ZRANB3: variants seen among roughly 807,000 people sequenced by gnomAD.
The protein encoded by ZRANB3 is DNA annealing helicase and endonuclease ZRANB3.
Under a neutral mutation model 133.8 loss-of-function variants are expected in ZRANB3, and 125 were observed. The observed-to-expected ratio is 0.93, with a 90% CI of 0.81 to 1.08. ZRANB3 has a LOEUF of 1.08. Among genes scored for constraint, ZRANB3 ranks in the 50% least tolerant of loss-of-function variants. ZRANB3 has a pLI of 0.00. For missense variants in ZRANB3, 1,229 were observed against 1,275.5 expected (o/e 0.96, Z 0.56); for synonymous variants, 387 against 432.7 (o/e 0.89, Z 1.31).
chr2:135,238,316 GTTC>G (rs1276393542), intron 12 of ZRANB3, among the ~76,000 whole-genome samples: 1 of 151,658 alleles, frequency 6.6e-6, no homozygotes, highest in Non-Finnish European at 1.5e-5. Context: ...TGGGATCTAT[GTTC>G]TTCTTCCTTG....
intron 2 of ZRANB3, among the ~76,000 whole-genome samples, chr2:135,503,861 T>G (rs982692228): frequency 6.6e-6 from 1 of 151,930 alleles, no homozygotes. Flanking sequence ...TCCCAGCTAT[T>G]CAGGAGGCTG....
chr2:135,514,618 GA>G (rs1002080093), intron 1 of ZRANB3, among the ~76,000 whole-genome samples: 5 of 152,004 alleles, frequency 3.3e-5, no homozygotes, highest in African/African-American at 1.2e-4. Flanking sequence ...CTTCCTATCC[GA>G]ATATCTTTTC....
chr2:135,408,841 G>A lies in ZRANB3; in HGVS notation c.162-18021C>T, dbSNP rs148167722. The stretch of plus-strand genomic sequence containing the variant: ...GGCCTGTTGTGGGGTCGGGGGATGG[G>A]GGAGGGATAGCATTTGGAGATATAT... On this transcript the variant is annotated intron_variant, in intron 2 of 20. Coordinates refer to ENST00000264159, the MANE Select transcript of ZRANB3 (RefSeq NM_032143.4). Among the ~76,000 whole-genome samples, 454 of 152,182 alleles carry A rather than the reference G, an allele frequency of 3.0e-3. 2 individuals are homozygous for A. The highest frequency in any genetic ancestry group is 0.01 in the African/African-American group (429 of 41,524).
At chr2:135,414,807 A>T (rs556001446) in intron 2 of ZRANB3, among the ~76,000 whole-genome samples, 1 of 152,296 alleles carries the variant, frequency 6.6e-6, no homozygotes, top group Non-Finnish European at 1.5e-5. Flanking sequence ...ATCTCACTCA[A>T]AACTGCTCAA....
chr2:135,303,417 A>C (rs1682536698), intron 8 of ZRANB3, among the ~76,000 whole-genome samples: 1 of 151,992 alleles, frequency 6.6e-6, no homozygotes. Context: ...AATGTTCAAG[A>C]CTTCTTTTTT....
At chr2:135,492,474 T>TATAATCCAGAATGAATGAAGACTTA (rs1289731590) in intron 2 of ZRANB3, among the ~76,000 whole-genome samples, 1 of 152,034 alleles carries the variant, frequency 6.6e-6, no homozygotes, top group Non-Finnish European at 1.5e-5. Context: ...TGATAAAGAG[T>TATAATCCAGAATGAATGAAGACTTA]ATAATCCAGA....
intron 3 of ZRANB3, among the ~76,000 whole-genome samples, chr2:135,385,026 T>C (rs1177414944): frequency 6.6e-6 from 1 of 152,104 alleles, no homozygotes; most frequent in Non-Finnish European, 1.5e-5. Flanking sequence ...ATAAAGGGTA[T>C]TGAAATAGGA....
intron 2 of ZRANB3, among the ~76,000 whole-genome samples, chr2:135,441,952 C>G (rs557629891): frequency 7.2e-5 from 11 of 152,128 alleles, no homozygotes; most frequent in African/African-American, 2.6e-4. Flanking sequence ...AAGACAAATC[C>G]GAAATGAGGG....
chr2:135,490,529 C>G (rs1419251247), intron 2 of ZRANB3, among the ~76,000 whole-genome samples: 4 of 152,108 alleles, frequency 2.6e-5, no homozygotes, highest in African/African-American at 9.7e-5. Context: ...AAAGAGGAAT[C>G]CTTGCACACT....
chr2:135,295,758 G>T (rs537049049), intron 8 of ZRANB3, among the ~76,000 whole-genome samples: 11 of 151,800 alleles, frequency 7.2e-5, no homozygotes, highest in South Asian at 6.3e-4. Context: ...CAGGAGCTCT[G>T]GTAGGGCAGG....
At chr2:135,207,384 C>T in intron 19 of ZRANB3, 50 bp downstream of exon 19, 4 of 1,516,522 alleles carry the variant, frequency 2.6e-6, no homozygotes, top group Non-Finnish European at 3.5e-6. Flanking sequence ...AGTCAATATT[C>T]ATTACTCAGT....
At chr2:135,369,713 C>A (rs1247358688) in intron 3 of ZRANB3, among the ~76,000 whole-genome samples, 2 of 152,176 alleles carry the variant, frequency 1.3e-5, no homozygotes, top group Non-Finnish European at 2.9e-5. Context: ...TCAGTCTCAA[C>A]CTCAGTTCTG....
At chr2:135,486,715 T>G (rs375291276) in intron 2 of ZRANB3, among the ~76,000 whole-genome samples, 4 of 152,178 alleles carry the variant, frequency 2.6e-5, no homozygotes, top group Non-Finnish European at 5.9e-5. Flanking sequence ...GATTTTGCCA[T>G]GTTGACTAGG....
Position 135,224,433 on chromosome 2 carries a change from T to C in ZRANB3, c.2243A>G (p.Tyr748Cys), listed in dbSNP as rs766787700. The C allele has an allele frequency of 3.1e-6, 5 of 1,611,924 alleles. No individual in the cohort carries two copies. Among genetic ancestry groups the C allele is most frequent in the South Asian group, 1.1e-5 (1 of 90,672 alleles). The change falls in exon 15 of 21, where the codon TAT becomes TGT. Residue 748 changes from tyrosine (Y) to cysteine (C), a missense_variant. Transcript: ENST00000264159. ...AATCTGCATGACGCTTACCTTAGTATAGATGTGAATCCGGTCAGTATTCCT... is the reference window on the plus strand; with the variant it reads ...AATCTGCATGACGCTTACCTTAGTACAGATGTGAATCCGGTCAGTATTCCT... ...ASRNTDRIHI[Y>C]TKDGKQMSCN...
chr2:135,417,866 A>T (rs1688661279), intron 2 of ZRANB3, among the ~76,000 whole-genome samples: 1 of 152,202 alleles, frequency 6.6e-6, no homozygotes, highest in East Asian at 1.9e-4. Context: ...AAGGACAAAA[A>T]ACTGAACACT....
At chr2:135,391,879 G>A (rs533243033) in intron 2 of ZRANB3, among the ~76,000 whole-genome samples, 9 of 152,060 alleles carry the variant, frequency 5.9e-5, no homozygotes, top group South Asian at 2.1e-4. Flanking sequence ...GCGCCTGGCC[G>A]CTGAGTTTTT....
intron 3 of ZRANB3, among the ~76,000 whole-genome samples, chr2:135,368,901 A>C (rs1044138869): frequency 2.4e-4 from 37 of 152,244 alleles, no homozygotes; most frequent in African/African-American, 8.9e-4. Flanking sequence ...TTCAGCAGAC[A>C]GCATTTACTC....
Position 135,528,545 on chromosome 2 carries a change from C to T in ZRANB3, c.-8+2582G>A, listed in dbSNP as rs375059758. On this transcript the variant is annotated intron_variant, in intron 1 of 20. Coordinates refer to ENST00000264159, the MANE Select transcript of ZRANB3 (RefSeq NM_032143.4). ...TGTCATAAGGAAAATGTACTTATCA[C>T]ACATAACATCATTTCTGGCTCAGAC... 3.3e-5 allele frequency among the ~76,000 whole-genome samples: 5 copies of T among 152,080 alleles called. No homozygotes were observed. The East Asian group carries it at 9.6e-4, about 29-fold the overall frequency.
intron 2 of ZRANB3, among the ~76,000 whole-genome samples, chr2:135,419,184 G>A (rs111588795): frequency 3.3e-5 from 5 of 151,620 alleles, no homozygotes; most frequent in South Asian, 2.1e-4. Context: ...TGATCCACCC[G>A]CCTCAACCTC....
Sources: allele counts gnomAD v4.1 joint callset (sites outside exome capture counted in the v4.1 genomes callset), GRCh38; gene constraint gnomAD v4.1.1; transcripts MANE v1.5; gene names NCBI Gene and HGNC (gene_info 2026-07-23, HGNC 2026-07-21).